The following BMPR2 variants were observed in gnomAD, a reference collection of about 807,000 sequenced individuals.
BMPR2 encodes bone morphogenetic protein receptor type 2.
Under a neutral mutation model 100.8 loss-of-function variants are expected in BMPR2, and 29 were observed. The ratio of observed to expected loss-of-function variants is 0.29; its 90% confidence interval spans 0.21 to 0.39. The LOEUF (loss-of-function observed/expected upper bound fraction) is 0.39. BMPR2 is among the 10% of genes least tolerant of loss of function. BMPR2 has a pLI of 1.00. For missense variants in BMPR2, 1,011 were observed against 1,274.5 expected (o/e 0.79, Z 3.15); for synonymous variants, 382 against 442.3 (o/e 0.86, Z 1.71).
intron 10 of BMPR2, among the ~76,000 whole-genome samples, chr2:202,548,697 T>G (rs756202522): frequency 2.0e-5 from 3 of 152,136 alleles, no homozygotes; most frequent in African/African-American, 7.2e-5. Flanking sequence ...TACTTTTTTT[T>G]CCCCCTACTT....
chr2:202,560,748 G>A lies in BMPR2; in HGVS notation c.*802G>A, dbSNP rs1170261807. The stretch of plus-strand genomic sequence containing the variant: ...CCAAATCCTAAATGTTTCCTTCAAG[G>A]CATCTTAATAAACTTATTTGCTTCT... On this transcript the variant is annotated 3_prime_UTR_variant, in exon 13 of 13. Coordinates refer to ENST00000374580, the MANE Select transcript of BMPR2 (RefSeq NM_001204.7). 6.6e-6 allele frequency: 1 copy of A among 152,472 alleles called. No individual in the cohort carries two copies. Among genetic ancestry groups the A allele is most frequent in the African/African-American group, 2.4e-5 (1 of 41,408 alleles). 9.4% of individuals were successfully genotyped at this position (152,472 alleles called of 1,614,324 possible).
intron 1 of BMPR2, among the ~76,000 whole-genome samples, chr2:202,464,348 C>T (rs1201821460): frequency 6.6e-6 from 1 of 151,948 alleles, no homozygotes; most frequent in South Asian, 2.1e-4. Context: ...CATAGTTACT[C>T]TTTGTATCAT....
chr2:202,451,361 G>GA (rs1259274891), intron 1 of BMPR2, among the ~76,000 whole-genome samples: 1 of 152,106 alleles, frequency 6.6e-6, no homozygotes, highest in African/African-American at 2.4e-5. Flanking sequence ...TCTTGCCTTT[G>GA]AAAAAATGGA....
chr2:202,508,070 CTATTATTATTATTAT>C lies in BMPR2; in HGVS notation c.419-5620_419-5606del, dbSNP rs4032712. On this transcript the variant is annotated intron_variant, in intron 3 of 12. Transcript: ENST00000374580. ...TTATCTAAAAAGCTGTCATTTGAGGCTATTATTATTATTATTATTATTATTATTATTATTATTATT... is the reference window on the plus strand; with the variant it reads ...TTATCTAAAAAGCTGTCATTTGAGGCTATTATTATTATTATTATTATTATT... 4.4e-4 allele frequency among the ~76,000 whole-genome samples: 61 copies of C among 139,772 alleles called. 1 individual carries two copies. The highest frequency in any genetic ancestry group is 6.5e-4 in the Admixed American group (9 of 13,786). The allele number at this position is 139,772 out of a possible 152,430, so 91.7% of individuals were successfully genotyped here.
chr2:202,393,882 CGAGAGAGAGAGAGAGAGAGAGAGAGA>C (rs56708616), intron 1 of BMPR2, among the ~76,000 whole-genome samples: 94 of 97,926 alleles, frequency 9.6e-4, no homozygotes, highest in African/African-American at 2.9e-3. Flanking sequence ...AATGAGAGAG[CGAGAGAGAGAGAGAGAGAGAGAGAGA>C]GAGAGAGAGA....
Position 202,441,717 on chromosome 2 carries a change from CAAAAAAA to C in BMPR2, c.77-23075_77-23069del, listed in dbSNP as rs33963123. 1.3e-3 allele frequency among the ~76,000 whole-genome samples: 56 copies of C among 43,992 alleles called. 1 individual carries two copies. The highest frequency in any genetic ancestry group is 5.3e-3 in the African/African-American group (47 of 8,842). 28.9% of individuals were successfully genotyped at this position (43,992 alleles called of 152,430 possible). On this transcript the variant is annotated intron_variant, in intron 1 of 12. Transcript: ENST00000374580. ...TGGGCGACAGAGCAAGACTCCGTCT[CAAAAAAA>C]AAAAAAAAAAAAAAAATTATAAAAT...
At chr2:202,511,608 G>T (rs192333879) in intron 3 of BMPR2, among the ~76,000 whole-genome samples, 16 of 152,134 alleles carry the variant, frequency 1.1e-4, no homozygotes, top group Non-Finnish European at 1.9e-4. Flanking sequence ...CCATGCCAAT[G>T]TATGTGAAAT....
At chr2:202,461,730 A>G (rs1692228195) in intron 1 of BMPR2, among the ~76,000 whole-genome samples, 2 of 152,318 alleles carry the variant, frequency 1.3e-5, no homozygotes, top group South Asian at 2.1e-4. Context: ...TCAATTGAGA[A>G]TAAGAATTGA....
chr2:202,427,387 G>A (rs988123749), intron 1 of BMPR2, among the ~76,000 whole-genome samples: 1 of 148,714 alleles, frequency 6.7e-6, no homozygotes, highest in Non-Finnish European at 1.5e-5. Context: ...AAAAGGGCAG[G>A]TATATTGGAT....
At chr2:202,397,967 A>C (rs1574427162) in intron 1 of BMPR2, among the ~76,000 whole-genome samples, 1 of 151,928 alleles carries the variant, frequency 6.6e-6, no homozygotes, top group East Asian at 1.9e-4. Flanking sequence ...CTGAAAATAT[A>C]AAAAATTAGC....
chr2:202,381,095 C>T (rs560638524), intron 1 of BMPR2, among the ~76,000 whole-genome samples: 6 of 151,564 alleles, frequency 4.0e-5, no homozygotes, highest in African/African-American at 1.5e-4. Context: ...CTGCCTCAGC[C>T]TCCCAAGTAG....
chr2:202,382,219 C>G (rs1486708410), intron 1 of BMPR2, among the ~76,000 whole-genome samples: 1 of 151,966 alleles, frequency 6.6e-6, no homozygotes, highest in Non-Finnish European at 1.5e-5. Context: ...ACCATCATGC[C>G]TGGTTAATTT....
intron 3 of BMPR2, among the ~76,000 whole-genome samples, chr2:202,482,988 T>G (rs1383687199): frequency 1.3e-5 from 2 of 152,144 alleles, no homozygotes; most frequent in East Asian, 3.9e-4. Flanking sequence ...TTTTAATTTT[T>G]TGAGAACCTA....
intron 2 of BMPR2, among the ~76,000 whole-genome samples, 190 bp from the exon 3 acceptor site, chr2:202,467,329 C>T (rs917396449): frequency 6.6e-6 from 1 of 152,128 alleles, no homozygotes; most frequent in African/African-American, 2.4e-5. Flanking sequence ...CCTTTTCCCC[C>T]CCATGAAATG....
intron 1 of BMPR2, among the ~76,000 whole-genome samples, chr2:202,457,714 A>G (rs1574459465): frequency 6.6e-6 from 1 of 151,950 alleles, no homozygotes; most frequent in Non-Finnish European, 1.5e-5. Context: ...AGGACAAGAC[A>G]TAGATTGCAA....
chr2:202,535,126 C>T (rs1239917199), intron 9 of BMPR2, among the ~76,000 whole-genome samples: 5 of 134,114 alleles, frequency 3.7e-5, no homozygotes, highest in South Asian at 2.5e-4. Flanking sequence ...GCTGGCCGGG[C>T]GGGGGGCTGA....
chr2:202,556,659 A>G, intron 12 of BMPR2, 128 bp downstream of exon 12: 1 of 1,234,410 alleles, frequency 8.1e-7, no homozygotes, highest in East Asian at 2.6e-5. Context: ...TAAATGATCC[A>G]TTTGAGGCGG....
intron 3 of BMPR2, among the ~76,000 whole-genome samples, chr2:202,513,487 C>T (rs536475365): frequency 1.4e-4 from 21 of 152,252 alleles, no homozygotes; most frequent in African/African-American, 5.1e-4. Flanking sequence ...ATTAGGAGCA[C>T]ATCTACTTGG....
intron 3 of BMPR2, among the ~76,000 whole-genome samples, chr2:202,475,988 C>T (rs1172581676): frequency 6.7e-6 from 1 of 149,424 alleles, no homozygotes; most frequent in East Asian, 2.0e-4. Context: ...GCAGGAGAAT[C>T]GCTTGAACCT....
Sources: gnomAD v4.1 joint callset for allele counts (sites outside exome capture counted in the v4.1 genomes callset) on GRCh38, gnomAD v4.1.1 for gene constraint, MANE v1.5 for transcripts, NCBI Gene and HGNC (gene_info 2026-07-23, HGNC 2026-07-21) for gene names.